CNTN1: variants seen among roughly 807,000 people sequenced by gnomAD.
The protein encoded by CNTN1 is contactin-1.
Under a neutral mutation model 126.4 loss-of-function variants are expected in CNTN1, and 38 were observed. The observed-to-expected ratio is 0.30, with a 90% CI of 0.23 to 0.39. CNTN1 has a LOEUF of 0.39. Ranked by LOEUF, CNTN1 falls within the 10% of genes least tolerant of loss-of-function variation. The pLI is 1.00. For synonymous variants in CNTN1, 413 were observed against 422.6 expected (o/e 0.98, Z 0.28); for missense variants, 1,009 against 1,248.4 (o/e 0.81, Z 2.89).
At chr12:40,964,759 T>C (rs1947246112) in intron 15 of CNTN1, among the ~76,000 whole-genome samples, 3 of 152,114 alleles carry the variant, frequency 2.0e-5, no homozygotes. Flanking sequence ...TAAGTTAAAG[T>C]AACACGGTCG....
At chr12:40,885,992 A>G (rs973704894) in intron 1 of CNTN1, among the ~76,000 whole-genome samples, 1 of 152,044 alleles carries the variant, frequency 6.6e-6, no homozygotes, top group Admixed American at 6.6e-5. Context: ...TCTTATTTCT[A>G]AGTAGACATT....
At position 40,773,381 on chromosome 12, in the gene CNTN1, A is replaced by T. The variant is rs183373597; in HGVS notation, c.-77+80789A>T. On this transcript the variant is annotated intron_variant, in intron 1 of 23. Coordinates refer to ENST00000551295, the MANE Select transcript of CNTN1 (RefSeq NM_001843.4). ...CCTGTACAACAGTGAGGATTCAGACATTTTTCCATCCTTTCAAATTCTCAA... is the reference window on the plus strand; with the variant it reads ...CCTGTACAACAGTGAGGATTCAGACTTTTTTCCATCCTTTCAAATTCTCAA... 4.6e-4 allele frequency among the ~76,000 whole-genome samples: 69 copies of T among 151,514 alleles called. 1 individual carries two copies. The highest frequency in any genetic ancestry group is 4.4e-3 in the Admixed American group (67 of 15,156).
intron 1 of CNTN1, among the ~76,000 whole-genome samples, chr12:40,799,746 C>A (rs568661438): frequency 3.3e-5 from 5 of 152,092 alleles, no homozygotes; most frequent in South Asian, 2.1e-4. Context: ...TAGTAACTAA[C>A]AACTAGGAGC....
intron 1 of CNTN1, among the ~76,000 whole-genome samples, chr12:40,740,336 C>A (rs950631788): frequency 6.6e-6 from 1 of 152,006 alleles, no homozygotes; most frequent in African/African-American, 2.4e-5. Flanking sequence ...TATCTTTTTA[C>A]TTTTTGCCCC....
intron 1 of CNTN1, among the ~76,000 whole-genome samples, chr12:40,890,563 G>A (rs1352832630): frequency 6.6e-6 from 1 of 151,944 alleles, no homozygotes; most frequent in Non-Finnish European, 1.5e-5. Flanking sequence ...TCTCTGTGGT[G>A]TTGCCTTTTC....
intron 1 of CNTN1, among the ~76,000 whole-genome samples, chr12:40,791,739 C>G (rs376704668): frequency 6.6e-6 from 1 of 152,044 alleles, no homozygotes; most frequent in Non-Finnish European, 1.5e-5. Flanking sequence ...TGTTAAGATA[C>G]GCAAAAATGG....
intron 1 of CNTN1, among the ~76,000 whole-genome samples, chr12:40,868,617 C>T (rs939793656): frequency 5.9e-5 from 9 of 152,260 alleles, no homozygotes; most frequent in African/African-American, 2.2e-4. Context: ...CTTTCACCTC[C>T]TTAAAAATTG....
At chr12:40,931,519 A>G (rs979089571) in intron 7 of CNTN1, among the ~76,000 whole-genome samples, 1 of 151,968 alleles carries the variant, frequency 6.6e-6, no homozygotes, top group African/African-American at 2.4e-5. Context: ...TTCTTCCTAT[A>G]TCCTGGACTT....
intron 17 of CNTN1, among the ~76,000 whole-genome samples, chr12:41,006,306 G>T (rs1948492330): frequency 6.6e-6 from 1 of 152,186 alleles, no homozygotes. Flanking sequence ...GGGCTAAGGT[G>T]TAGCAGCTGT....
chr12:40,891,700 A>G (rs1328302762), intron 1 of CNTN1, among the ~76,000 whole-genome samples: 1 of 152,022 alleles, frequency 6.6e-6, no homozygotes, highest in East Asian at 1.9e-4. Context: ...TTATCTTTAT[A>G]TGATTCTATA....
chr12:40,983,951 AAT>A (rs1317188580), intron 16 of CNTN1, among the ~76,000 whole-genome samples: 4 of 146,956 alleles, frequency 2.7e-5, no homozygotes, highest in African/African-American at 7.4e-5. Context: ...CATATATAGT[AAT>A]ATATATATTG....
intron 1 of CNTN1, among the ~76,000 whole-genome samples, chr12:40,736,431 ATAGAT>A (rs1209464305): frequency 5.3e-5 from 8 of 152,114 alleles, no homozygotes; most frequent in Non-Finnish European, 7.4e-5. Flanking sequence ...AAAAAAAATA[ATAGAT>A]TAGAAAGAAA....
At chr12:40,844,069 A>ATTTTTTTTGTTTTTTTTTT (rs1942398116) in intron 1 of CNTN1, among the ~76,000 whole-genome samples, 1 of 84,684 alleles carries the variant, frequency 1.2e-5, no homozygotes, top group Non-Finnish European at 2.3e-5. Flanking sequence ...TGGCACAATG[A>ATTTTTTTTGTTTTTTTTTT]TTTTTTTTTT....
intron 12 of CNTN1, among the ~76,000 whole-genome samples, chr12:40,941,724 C>G (rs561974784): frequency 8.0e-4 from 122 of 152,020 alleles, no homozygotes; most frequent in African/African-American, 2.9e-3. Context: ...CTTTTCTACT[C>G]CAGAGGTTAT....
intron 1 of CNTN1, among the ~76,000 whole-genome samples, chr12:40,890,124 C>T (rs542068703): frequency 1.2e-4 from 18 of 152,144 alleles, no homozygotes; most frequent in South Asian, 2.1e-4. Context: ...TTAAACAGAG[C>T]GAATATCACC....
chr12:40,801,084 G>T (rs930966276), intron 1 of CNTN1, among the ~76,000 whole-genome samples: 14 of 149,902 alleles, frequency 9.3e-5, no homozygotes, highest in Non-Finnish European at 1.8e-4. Flanking sequence ...AAGTAGCACA[G>T]ATTTTTAGAG....
At chr12:41,023,301 A>G (rs1048423900) in intron 20 of CNTN1, among the ~76,000 whole-genome samples, 1 of 152,234 alleles carries the variant, frequency 6.6e-6, no homozygotes, top group African/African-American at 2.4e-5. Flanking sequence ...TCAAATGAGA[A>G]TTGTGAGCAA....
Position 40,715,077 on chromosome 12 carries a change from G to A in CNTN1, c.-77+22485G>A, listed in dbSNP as rs149630542. 7.2e-3 allele frequency among the ~76,000 whole-genome samples: 1,100 copies of A among 152,192 alleles called. 3 individuals are homozygous for A. The highest frequency in any genetic ancestry group is 0.024 in the Middle Eastern group (7 of 294). ...TACCATGGATTAAGAACTGAATTTCGTTTGTTTTAGATTTCCTCTAAGCCC... is the reference window on the plus strand; with the variant it reads ...TACCATGGATTAAGAACTGAATTTCATTTGTTTTAGATTTCCTCTAAGCCC... On this transcript the variant is annotated intron_variant, in intron 1 of 23. Transcript: ENST00000551295.
At chr12:40,913,007 T>C (rs1036986491) in intron 3 of CNTN1, among the ~76,000 whole-genome samples, 2 of 152,160 alleles carry the variant, frequency 1.3e-5, no homozygotes, top group Non-Finnish European at 2.9e-5. Flanking sequence ...AGAATCTAGA[T>C]GCTTCAGAGG....
Sources: gnomAD v4.1 joint callset for allele counts (sites outside exome capture counted in the v4.1 genomes callset) on GRCh38, gnomAD v4.1.1 for gene constraint, MANE v1.5 for transcripts, NCBI Gene and HGNC (gene_info 2026-07-23, HGNC 2026-07-21) for gene names.